SFXN5: variants seen among roughly 807,000 people sequenced by gnomAD.
SFXN5 encodes the protein sideroflexin 5.
Under a neutral mutation model 50.2 loss-of-function variants are expected in SFXN5, and 43 were observed. The ratio of observed to expected loss-of-function variants is 0.86; its 90% confidence interval spans 0.67 to 1.11. The LOEUF (loss-of-function observed/expected upper bound fraction) is 1.11. Among genes scored for constraint, SFXN5 ranks in the 50% least tolerant of loss-of-function variants. The pLI is 0.00. For missense variants in SFXN5, 463 were observed against 454.1 expected, an observed-to-expected ratio of 1.02 and a Z score of -0.18; for synonymous variants, 203 against 185.8, an observed-to-expected ratio of 1.09 and a Z score of -0.75.
chr2:73,008,392 G>C (rs1274520469), intron 6 of SFXN5, among the ~76,000 whole-genome samples: 2 of 151,562 alleles, frequency 1.3e-5, no homozygotes, highest in African/African-American at 4.8e-5. Flanking sequence ...AGTGCTGTGG[G>C]GAGCTCAGGG....
chr2:72,995,579 C>T (rs13412451), intron 9 of SFXN5, among the ~76,000 whole-genome samples: 4,782 of 152,094 alleles, frequency 0.031, 239 homozygotes, highest in African/African-American at 0.11. Flanking sequence ...CAAGGACCTG[C>T]TTGCAGCCTG....
chr2:73,070,700 G>A (rs992146557), intron 1 of SFXN5: 4 of 152,246 alleles, frequency 2.6e-5, no homozygotes, highest in African/African-American at 9.7e-5. Context: ...CGCCTCCGCA[G>A]TCTAGGGCCG....
rs574292938 is a variant in SFXN5 at position 72,987,112 on chromosome 2, G to A, written c.625+1146C>T. On this transcript the variant is annotated intron_variant, in intron 10 of 13. Coordinates refer to ENST00000272433, the MANE Select transcript of SFXN5 (RefSeq NM_144579.3). ...TGATATAGTAATAGATGTTTTTTGG[G>A]GTTTTTTTTGTTTTGTTTTGTTTTT... is the stretch of plus-strand genomic sequence containing the variant. 2.6e-5 allele frequency among the ~76,000 whole-genome samples: 4 copies of A among 152,026 alleles called. No homozygotes were observed. The East Asian group carries it at 7.8e-4, about 29-fold the overall frequency.
chr2:73,028,653 T>C (rs771752911), intron 3 of SFXN5, among the ~76,000 whole-genome samples: 70 of 152,326 alleles, frequency 4.6e-4, no homozygotes, highest in Non-Finnish European at 8.5e-4. Context: ...GCATTTCTAT[T>C]TTGTATTGAG....
At chr2:72,990,753 TG>T (rs1427224425) in intron 9 of SFXN5, among the ~76,000 whole-genome samples, 1 of 152,208 alleles carries the variant, frequency 6.6e-6, no homozygotes, top group African/African-American at 2.4e-5. Flanking sequence ...TCCAAAGCCT[TG>T]CTCCTAACCA....
chr2:73,071,294 G>A (rs1335723511), intron 1 of SFXN5: 10 of 387,754 alleles, frequency 2.6e-5, no homozygotes, highest in Non-Finnish European at 4.2e-5. Flanking sequence ...CTCGAAGCCG[G>A]GCGCTCGGGA....
rs531369129 is a variant in SFXN5, at chr2:72,961,558, A to G, written c.828-310T>C. Among the ~76,000 whole-genome samples, 1 of 152,318 alleles carries G rather than the reference A, an allele frequency of 6.6e-6. No individual in the cohort carries two copies. Among genetic ancestry groups the G allele is most frequent in the East Asian group, 1.9e-4 (1 of 5,182 alleles). Reference sequence around the variant, plus strand: ...CCGCCACGCGTCCAGCCCCGTGCCAAGAAGGCCCTATGTGGGAGAGACACT... The same window carrying G: ...CCGCCACGCGTCCAGCCCCGTGCCAGGAAGGCCCTATGTGGGAGAGACACT... On this transcript the variant is annotated intron_variant, in intron 12 of 13. Transcript: ENST00000272433. This position sits in a 1 kb window ranked among gnomAD's most constrained non-coding sequence, Gnocchi z 4.4.
rs1010157978 is a variant in SFXN5, at chr2:72,971,560, C to G, written c.741+10G>C. On this transcript the variant is annotated intron_variant, in intron 11 of 13. Transcript: ENST00000272433. The stretch of plus-strand genomic sequence containing the variant: ...CTGGCCTCCCCAACCCTGCGAACCC[C>G]CAGACCCACGTGTCGGGCTGCGATC... The G allele has an allele frequency of 2.5e-6, 4 of 1,610,918 alleles. No homozygotes were observed. The African/African-American group carries it at 4.0e-5, about 16-fold the overall frequency.
chr2:72,961,265 AG>A lies in SFXN5; in HGVS notation c.828-18del. 1 of 1,497,514 alleles carries A rather than the reference AG, an allele frequency of 6.7e-7. No individual in the cohort carries two copies. The allele number at this position is 1,497,514 out of a possible 1,614,324, so 92.8% of individuals were successfully genotyped here. A position where few individuals can be genotyped will look rare whatever the true frequency, so the allele number is the denominator to read the frequency against. ...AGAGCCGTCCTGTGAGGGAGAGAGGAGGGAGCCCCATGAGACCCGAAGGTGG... is the reference window on the plus strand; with the variant it reads ...AGAGCCGTCCTGTGAGGGAGAGAGGAGGAGCCCCATGAGACCCGAAGGTGG... On this transcript the variant is annotated intron_variant, in intron 12 of 13. Coordinates refer to ENST00000272433, the MANE Select transcript of SFXN5 (RefSeq NM_144579.3). This position sits in a 1 kb window ranked among gnomAD's most constrained non-coding sequence, Gnocchi z 4.4.
chr2:73,001,541 G>C lies in SFXN5; in HGVS notation c.395C>G (p.Ser132Cys). 6.2e-7 allele frequency: 1 copy of C among 1,614,222 alleles called. No individual in the cohort carries two copies. The highest frequency in any genetic ancestry group is 8.5e-7 in the Non-Finnish European group (1 of 1,180,040). ...GLLLPNQTLA[S>C]TVFWQWLNQS... ...GACTGTTACCTGCCAGAAGACAGTG[G>C]ATGCCAGTGTCTGGTTGGGCAAGAG... Residue 132 changes from serine (S) to cysteine (C), a missense_variant, in exon 7 of 14, where the codon TCC becomes TGC. By Grantham distance (112) the Ser-to-Cys change is moderately radical. Transcript: ENST00000272433.
chr2:72,974,541 C>T (rs1021424214), intron 10 of SFXN5, among the ~76,000 whole-genome samples: 2 of 152,162 alleles, frequency 1.3e-5, no homozygotes, highest in Non-Finnish European at 1.5e-5. Context: ...CCTCCCCAGG[C>T]TCCTCCCTTG....
intron 10 of SFXN5, among the ~76,000 whole-genome samples, chr2:72,977,019 A>G (rs1170758823): frequency 6.6e-6 from 1 of 152,178 alleles, no homozygotes; most frequent in South Asian, 2.1e-4. Flanking sequence ...CTGGTCTAGG[A>G]AGAGGCATGT....
rs75027090 is a variant in SFXN5 at position 72,981,863 on chromosome 2, T to C, written c.625+6395A>G. Among the ~76,000 whole-genome samples, 950 of 152,332 alleles carry C rather than the reference T, an allele frequency of 6.2e-3. 12 individuals carry two copies. The highest frequency in any genetic ancestry group is 0.022 in the African/African-American group (903 of 41,568). On this transcript the variant is annotated intron_variant, in intron 10 of 13. Coordinates refer to ENST00000272433, the MANE Select transcript of SFXN5 (RefSeq NM_144579.3). ...CCATTTCCGTACATAATTCAGTTCA[T>C]ATTAGATTCCTAAAATCGTAGAGGT...
At chr2:72,981,141 A>C (rs1294744377) in intron 10 of SFXN5, 1 of 152,134 alleles carries the variant, frequency 6.6e-6, no homozygotes, top group Non-Finnish European at 1.5e-5. Flanking sequence ...GCTCATTCCA[A>C]TAACAGGCTC....
intron 9 of SFXN5, among the ~76,000 whole-genome samples, chr2:72,993,567 C>T (rs557078016): frequency 1.3e-5 from 2 of 152,198 alleles, no homozygotes; most frequent in Non-Finnish European, 2.9e-5. Flanking sequence ...ACAACTTGTC[C>T]TACCTAGAAA....
intron 9 of SFXN5, among the ~76,000 whole-genome samples, chr2:72,988,571 A>G (rs538924580): frequency 6.6e-6 from 1 of 152,156 alleles, no homozygotes; most frequent in African/African-American, 2.4e-5. Context: ...GGCCCATGAG[A>G]AAGAGGGAGA....
chr2:72,980,842 C>G (rs1356739418), intron 10 of SFXN5, among the ~76,000 whole-genome samples: 1 of 152,006 alleles, frequency 6.6e-6, no homozygotes, highest in Admixed American at 6.5e-5. Flanking sequence ...CCCAGCCAGG[C>G]CCCCTGCCCC....
At chr2:73,054,422 C>A (rs561650903) in intron 2 of SFXN5, among the ~76,000 whole-genome samples, 12 of 151,666 alleles carry the variant, frequency 7.9e-5, no homozygotes, top group Non-Finnish European at 1.5e-4. Flanking sequence ...GAGAAATGGG[C>A]CAAAAATGTA....
chr2:72,992,555 C>A lies in SFXN5; in HGVS notation c.535-4207G>T, dbSNP rs968623704. On this transcript the variant is annotated intron_variant, in intron 9 of 13. Transcript: ENST00000272433. The surrounding 1 kb of genome is among the most constrained non-coding windows in gnomAD (Gnocchi z 4.5). Reference sequence around the variant, plus strand: ...CCTCACCCACACCCCAGCCTCCTCGCCCATTTCCAGCTCTGCTTCTCATGC... The same window carrying A: ...CCTCACCCACACCCCAGCCTCCTCGACCATTTCCAGCTCTGCTTCTCATGC... Among the ~76,000 whole-genome samples, 1 of 152,222 alleles carries A rather than the reference C, an allele frequency of 6.6e-6. No homozygotes were observed. Among genetic ancestry groups the A allele is most frequent in the African/African-American group, 2.4e-5 (1 of 41,454 alleles).
Sources: allele counts gnomAD v4.1 joint callset (sites outside exome capture counted in the v4.1 genomes callset), GRCh38; gene constraint gnomAD v4.1.1; non-coding constraint Gnocchi (gnomAD v3.1); transcripts MANE v1.5; gene names NCBI Gene and HGNC (gene_info 2026-07-23, HGNC 2026-07-21).